Variants in CSMD1 observed in about 807,000 individuals in gnomAD.
CSMD1 encodes CUB and sushi domain-containing protein 1.
Under a neutral mutation model 417.5 loss-of-function variants are expected in CSMD1, and 213 were observed. The ratio of observed to expected loss-of-function variants is 0.51; its 90% CI spans 0.46 to 0.57. The LOEUF (loss-of-function observed/expected upper bound fraction) is 0.57. CSMD1 is among the 20% of genes least tolerant of loss of function. The pLI is 0.00. For synonymous variants in CSMD1, 2,862 were observed against 1,736.8 expected, an observed-to-expected ratio of 1.65 and a Z score of -16.11; for missense variants, 6,923 against 4,529.7, an observed-to-expected ratio of 1.53 and a Z score of -15.17.
At position 3,486,345 on chromosome 8, in the gene CSMD1, T is replaced by C. The variant is rs561626911; in HGVS notation, c.1448+7278A>G. Among the ~76,000 whole-genome samples, 3 of 152,328 alleles carry C rather than the reference T, an allele frequency of 2.0e-5. No individual in the cohort carries two copies. In the East Asian group the frequency reaches 5.8e-4, roughly 29 times the overall value. On this transcript the variant is annotated intron_variant, in intron 11 of 69. Transcript: ENST00000635120. ...AAGGCACAAGAGAGGGAGTCAGGGATGGTGCACTGTAAATGCATGCATCTA... is the reference window on the plus strand; with the variant it reads ...AAGGCACAAGAGAGGGAGTCAGGGACGGTGCACTGTAAATGCATGCATCTA...
At chr8:4,582,969 C>G (rs1436374243) in intron 2 of CSMD1, among the ~76,000 whole-genome samples, 3 of 152,204 alleles carry the variant, frequency 2.0e-5, no homozygotes, top group Non-Finnish European at 2.9e-5. Flanking sequence ...ACATAGCACC[C>G]GGGCCAGTGG....
chr8:4,034,015 T>C (rs1209836033), intron 3 of CSMD1, among the ~76,000 whole-genome samples: 2 of 152,190 alleles, frequency 1.3e-5, no homozygotes, highest in African/African-American at 4.8e-5. Context: ...CACTTCCAAA[T>C]AAAAATGTAT....
rs1331258827 is a variant in CSMD1 at position 3,298,032 on chromosome 8, A to G, written c.3950+9663T>C. On this transcript the variant is annotated intron_variant, in intron 25 of 69. Transcript: ENST00000635120. ...GATCAGTCGTCAGGGAAATGCAAATAAAAAGGTACCACACCCCCAGTAGAA... is the reference window on the plus strand; with the variant it reads ...GATCAGTCGTCAGGGAAATGCAAATGAAAAGGTACCACACCCCCAGTAGAA... Among the ~76,000 whole-genome samples, 5 of 152,190 alleles carry G rather than the reference A, an allele frequency of 3.3e-5. No individual in the cohort carries two copies. The East Asian group carries it at 7.7e-4, about 23-fold the overall frequency.
At position 3,848,501 on chromosome 8, in the gene CSMD1, G is replaced by A. The variant is rs145636350; in HGVS notation, c.819-94459C>T. 2.4e-3 allele frequency among the ~76,000 whole-genome samples: 361 copies of A among 151,076 alleles called. 1 individual carries two copies. The highest frequency in any genetic ancestry group is 0.017 in the Middle Eastern group (5 of 292). The stretch of plus-strand genomic sequence containing the variant: ...TAATTGATCTGGATTTATACTTTCC[G>A]ATTTTATAGCAAAAGCCTGAGAAGT... On this transcript the variant is annotated intron_variant, in intron 5 of 69. Coordinates refer to ENST00000635120, the MANE Select transcript of CSMD1 (RefSeq NM_033225.6).
chr8:4,978,269 G>T (rs1210326096), intron 1 of CSMD1, among the ~76,000 whole-genome samples: 1 of 152,168 alleles, frequency 6.6e-6, no homozygotes, highest in African/African-American at 2.4e-5. Flanking sequence ...GGACAGGCAG[G>T]TGGAGGTATA....
At chr8:3,406,463 T>C (rs191544507) in intron 14 of CSMD1, among the ~76,000 whole-genome samples, 7 of 152,296 alleles carry the variant, frequency 4.6e-5, no homozygotes, top group Admixed American at 2.0e-4. Flanking sequence ...AATTTAGGGT[T>C]TGAAAAGCAC....
chr8:4,558,195 G>A lies in CSMD1; in HGVS notation c.302+79147C>T, dbSNP rs187664496. Among the ~76,000 whole-genome samples the A allele has an allele frequency of 2.6e-3, 401 of 152,194 alleles. 3 individuals carry two copies. Among genetic ancestry groups the A allele is most frequent in the African/African-American group, 9.0e-3 (374 of 41,520 alleles). On this transcript the variant is annotated intron_variant, in intron 2 of 69. Coordinates refer to ENST00000635120, the MANE Select transcript of CSMD1 (RefSeq NM_033225.6). ...TACAAAAGCATCTAAACAAGAGCAGGATGTGATGTAATGTGTCCCCTTATC... is the reference window on the plus strand; with the variant it reads ...TACAAAAGCATCTAAACAAGAGCAGAATGTGATGTAATGTGTCCCCTTATC...
Position 3,284,270 on chromosome 8 carries a change from T to G in CSMD1, c.4027A>C (p.Ile1343Leu), listed in dbSNP as rs776418740. 1 of 1,613,856 alleles carries G rather than the reference T, an allele frequency of 6.2e-7. No homozygotes were observed. Among genetic ancestry groups the G allele is most frequent in the East Asian group, 2.2e-5 (1 of 44,878 alleles). The change falls in exon 26 of 70, where the codon ATC (isoleucine) becomes CTC (leucine). Residue 1343 changes from isoleucine (I) to leucine (L), a missense_variant. Coordinates refer to ENST00000635120, the MANE Select transcript of CSMD1 (RefSeq NM_033225.6). ...GAGCCACTCCACTCCTTCAGCAGGA[T>G]GTCACTGTCCACCGGCCCGTCCCAG... ...KVWDGPVDSD[I>L]LLKEWSGSAL...
intron 2 of CSMD1, among the ~76,000 whole-genome samples, chr8:4,543,960 G>C (rs1797523954): frequency 6.6e-6 from 1 of 152,050 alleles, no homozygotes; most frequent in African/African-American, 2.4e-5. Context: ...AAGGTCTTTA[G>C]CCCATTTATT....
intron 1 of CSMD1, among the ~76,000 whole-genome samples, chr8:4,904,402 A>G (rs1468653908): frequency 2.6e-5 from 4 of 152,206 alleles, no homozygotes; most frequent in South Asian, 4.1e-4. Context: ...AGTCAGGCAA[A>G]GAACAAACAA....
intron 2 of CSMD1, among the ~76,000 whole-genome samples, chr8:4,480,070 G>A (rs574835709): frequency 1.3e-5 from 2 of 151,824 alleles, no homozygotes; most frequent in African/African-American, 4.8e-5. Flanking sequence ...AGTTCTGTTA[G>A]AGAAGTTTGA....
At chr8:4,376,622 A>G (rs1408518161) in intron 3 of CSMD1, among the ~76,000 whole-genome samples, 1 of 152,204 alleles carries the variant, frequency 6.6e-6, no homozygotes, top group African/African-American at 2.4e-5. Flanking sequence ...GAATTAAATA[A>G]TATTTCTTTT....
At chr8:4,584,366 G>T (rs148100279) in intron 2 of CSMD1, among the ~76,000 whole-genome samples, 1 of 152,042 alleles carries the variant, frequency 6.6e-6, no homozygotes, top group South Asian at 2.1e-4. Context: ...AGTAGCATCA[G>T]ACCCCTTTCG....
intron 13 of CSMD1, among the ~76,000 whole-genome samples, chr8:3,408,502 G>C (rs1198429777): frequency 6.8e-6 from 1 of 147,334 alleles, no homozygotes; most frequent in Admixed American, 6.7e-5. Flanking sequence ...CTGAAAACGT[G>C]TGCCAAATAT....
At chr8:4,721,739 T>C (rs545149582) in intron 1 of CSMD1, among the ~76,000 whole-genome samples, 11 of 152,218 alleles carry the variant, frequency 7.2e-5, no homozygotes, top group South Asian at 2.1e-4. Flanking sequence ...CAGCACCTCA[T>C]AGAAATAGCT....
intron 54 of CSMD1, among the ~76,000 whole-genome samples, chr8:2,994,656 T>C (rs1183479249): frequency 6.6e-6 from 1 of 152,168 alleles, no homozygotes; most frequent in Non-Finnish European, 1.5e-5. Context: ...GGAAAGTGAG[T>C]ATAGCTACAT....
chr8:4,678,367 T>C (rs1463245632), intron 1 of CSMD1, among the ~76,000 whole-genome samples: 1 of 152,060 alleles, frequency 6.6e-6, no homozygotes. Context: ...GCCAAGATCA[T>C]GTGACTGCAT....
chr8:3,810,120 G>T (rs1345202570), intron 5 of CSMD1, among the ~76,000 whole-genome samples: 1 of 152,116 alleles, frequency 6.6e-6, no homozygotes. Flanking sequence ...GCCTTGGTTT[G>T]CCAAGAGTGC....
intron 7 of CSMD1, among the ~76,000 whole-genome samples, chr8:3,671,935 T>A (rs1243009945): frequency 1.3e-5 from 2 of 152,130 alleles, no homozygotes; most frequent in Non-Finnish European, 2.9e-5. Context: ...TGGTCATTTT[T>A]GAAAGAAAGT....
Sources: gnomAD v4.1 joint callset for allele counts (sites outside exome capture counted in the v4.1 genomes callset) on GRCh38, gnomAD v4.1.1 for gene constraint, MANE v1.5 for transcripts, NCBI Gene and HGNC (gene_info 2026-07-23, HGNC 2026-07-21) for gene names.